The following RSPH14 variants were observed in gnomAD, a reference collection of about 807,000 sequenced individuals.
The protein encoded by RSPH14 is radial spoke head 14 homolog, also known as rhabdoid tumor deletion region gene 1.
A neutral mutation model predicts 26.7 loss-of-function variants in RSPH14; 20 were observed. That is an observed-to-expected ratio of 0.75 (90% confidence interval 0.53 to 1.09). The LOEUF is 1.09. Ranked by LOEUF, RSPH14 falls within the 50% of genes least tolerant of loss-of-function variation. The pLI is 0.00. For synonymous variants in RSPH14, 177 were observed against 189.3 expected, an observed-to-expected ratio of 0.93 and a Z score of 0.53; for missense variants, 449 against 457.2, an observed-to-expected ratio of 0.98 and a Z score of 0.16.
intron 3 of RSPH14, among the ~76,000 whole-genome samples, chr22:23,138,328 G>A (rs537186904): frequency 3.3e-5 from 5 of 152,332 alleles, no homozygotes; most frequent in East Asian, 1.9e-4. Flanking sequence ...TTAGGAGGCC[G>A]AGGCAGGCAG....
At chr22:23,160,983 A>G in the RSPH14 span, 809,278 of 1,610,470 alleles carry the variant, frequency 0.5, 205,031 homozygotes, top group East Asian at 0.63. Flanking sequence ...CCAGGTCGGC[A>G]ATGGAGACCT....
rs1168763843 is a variant in RSPH14, at chr22:23,063,904, G to A, written c.651C>T (p.Val217=). Reference sequence around the variant, plus strand: ...ACCCAGCCTAGGCCAGGCCTCACCTGACATTAAGGAGCGCACGGGCGGCCT... The same window carrying A: ...ACCCAGCCTAGGCCAGGCCTCACCTAACATTAAGGAGCGCACGGGCGGCCT... The part of the protein sequence containing the change: ...RSKAARALLN[V]SISREGKKQV... Residue 217 remains valine (V), a splice_region_variant and synonymous_variant, in exon 5 of 7, where the codon GTC becomes GTT. Transcript: ENST00000216036. 1 of 1,614,014 alleles carries A rather than the reference G, an allele frequency of 6.2e-7. No homozygotes were observed. Among genetic ancestry groups the A allele is most frequent in the South Asian group, 1.1e-5 (1 of 91,060 alleles).
chr22:23,143,497 AAT>A (rs2070637679), upstream of RSPH14, among the ~76,000 whole-genome samples: 4 of 152,254 alleles, frequency 2.6e-5, no homozygotes, highest in South Asian at 6.2e-4. Flanking sequence ...AATGGACCTG[AAT>A]AAATATACTT....
intron 4 of RSPH14, among the ~76,000 whole-genome samples, chr22:23,095,061 A>T (rs759218071): frequency 6.6e-6 from 1 of 152,236 alleles, no homozygotes. Context: ...AACAGCAGAC[A>T]TATGTGTTAC....
intron 4 of RSPH14, among the ~76,000 whole-genome samples, chr22:23,133,621 G>A (rs906181602): frequency 6.6e-6 from 1 of 151,732 alleles, no homozygotes; most frequent in Non-Finnish European, 1.5e-5. Context: ...ACAGAGTCTC[G>A]CACTGTCGCC....
At chr22:23,180,105 G>C in the RSPH14 span, 1 of 276,764 alleles carries the variant, frequency 3.6e-6, no homozygotes, top group South Asian at 6.2e-5. Context: ...CTGCCAGAGA[G>C]AGCAGCTCTT....
At chr22:23,112,130 C>T (rs555030629) in intron 4 of RSPH14, among the ~76,000 whole-genome samples, 40 of 152,176 alleles carry the variant, frequency 2.6e-4, no homozygotes, top group Non-Finnish European at 4.7e-4. Flanking sequence ...CCTGTCTTCA[C>T]CCCGCAGCCC....
At chr22:23,152,514 G>T in the RSPH14 span, 7 of 1,614,162 alleles carry the variant, frequency 4.3e-6, no homozygotes, top group Non-Finnish European at 5.9e-6. Flanking sequence ...GGGAAGACCA[G>T]CCTCATCCAC....
chr22:23,130,574 A>C (rs1341904948), intron 4 of RSPH14, among the ~76,000 whole-genome samples: 2 of 152,158 alleles, frequency 1.3e-5, no homozygotes, highest in African/African-American at 4.8e-5. Flanking sequence ...TGCACCAGTG[A>C]ATCAACAAAG....
At chr22:23,146,564 G>T, upstream of RSPH14, 1 of 1,605,014 alleles carries the variant, frequency 6.2e-7, no homozygotes, top group Non-Finnish European at 8.5e-7. Context: ...CCAGGTATTT[G>T]CACAGCTCCT....
chr22:23,095,662 C>T (rs199964048), intron 4 of RSPH14: 20 of 1,570,816 alleles, frequency 1.3e-5, no homozygotes, highest in Admixed American at 7.2e-5. Flanking sequence ...TGCCCCATCC[C>T]GTGCTCCTTG....
At chr22:23,172,417 A>G in the RSPH14 span, among the ~76,000 whole-genome samples, 1 of 146,974 alleles carries the variant, frequency 6.8e-6, no homozygotes, top group South Asian at 2.1e-4. Context: ...TTCTGTCTCA[A>G]AAAAAAAAAA....
chr22:23,180,019 C>T, the RSPH14 span: 1 of 363,716 alleles, frequency 2.7e-6, no homozygotes, highest in South Asian at 3.5e-5. Flanking sequence ...TGGGCAGTGC[C>T]GGTGACGCTT....
At chr22:23,162,833 T>C in the RSPH14 span, 2 of 438,266 alleles carry the variant, frequency 4.6e-6, no homozygotes, top group South Asian at 3.1e-5. Flanking sequence ...GATTGCCAAA[T>C]ACCAGTTAGG....
intron 3 of RSPH14, among the ~76,000 whole-genome samples, chr22:23,135,685 T>C (rs2070465059): frequency 6.6e-6 from 1 of 152,206 alleles, no homozygotes; most frequent in Non-Finnish European, 1.5e-5. Context: ...AGTGGTCTCA[T>C]ATCCGACAAA....
At chr22:23,126,762 C>G (rs951118427) in intron 4 of RSPH14, among the ~76,000 whole-genome samples, 1 of 152,214 alleles carries the variant, frequency 6.6e-6, no homozygotes, top group East Asian at 1.9e-4. Context: ...GCCAGCCCTG[C>G]CCACTGCAGG....
At chr22:23,101,271 A>G (rs1012162608) in intron 4 of RSPH14, among the ~76,000 whole-genome samples, 5 of 152,094 alleles carry the variant, frequency 3.3e-5, no homozygotes, top group African/African-American at 1.2e-4. Flanking sequence ...GCTCTCAGGG[A>G]GGGTCCTGGC....
intron 3 of RSPH14, among the ~76,000 whole-genome samples, chr22:23,135,810 T>C (rs1430298724): frequency 6.6e-6 from 1 of 152,022 alleles, no homozygotes; most frequent in Non-Finnish European, 1.5e-5. Context: ...TCATTTCTTT[T>C]GATTAACCAA....
chr22:23,101,810 A>C (rs1345991444), intron 4 of RSPH14, among the ~76,000 whole-genome samples: 1 of 152,174 alleles, frequency 6.6e-6, no homozygotes, highest in Non-Finnish European at 1.5e-5. Context: ...ATGGCAGTGC[A>C]GCTTGAGAGG....
Sources: gnomAD v4.1 joint callset for allele counts (sites outside exome capture counted in the v4.1 genomes callset) on GRCh38, gnomAD v4.1.1 for gene constraint, MANE v1.5 for transcripts, NCBI Gene and HGNC (gene_info 2026-07-23, HGNC 2026-07-21) for gene names.